LRRC2: variants seen among roughly 807,000 people sequenced by gnomAD.
LRRC2 encodes the protein leucine-rich repeat-containing protein 2.
Under a neutral mutation model 40.2 loss-of-function variants are expected in LRRC2, and 27 were observed. The ratio of observed to expected loss-of-function variants is 0.67; its 90% CI spans 0.49 to 0.93. LRRC2 has a LOEUF of 0.93. Among genes scored for constraint, LRRC2 ranks in the 40% least tolerant of loss-of-function variants. The probability of loss-of-function intolerance (pLI) is 0.00; values close to 1 mark genes in which losing one functional copy is unlikely to be tolerated. For synonymous variants in LRRC2, 147 were observed against 158.9 expected, an observed-to-expected ratio of 0.92 and a Z score of 0.56; for missense variants, 402 against 439.6, an observed-to-expected ratio of 0.91 and a Z score of 0.76.
intron 3 of LRRC2, among the ~76,000 whole-genome samples, chr3:46,542,039 C>T (rs1469095230): frequency 2.6e-5 from 4 of 151,992 alleles, no homozygotes; most frequent in South Asian, 2.1e-4. Context: ...AGGGGAGGCA[C>T]CAGTGAGATG....
intron 4 of LRRC2, 107 bp downstream of exon 4, chr3:46,538,938 G>T: frequency 8.0e-7 from 1 of 1,252,406 alleles, no homozygotes. Flanking sequence ...ACCACTTCCT[G>T]GGGAAGCTGG....
chr3:46,531,340 T>A, intron 5 of LRRC2, among the ~76,000 whole-genome samples: 1 of 151,824 alleles, frequency 6.6e-6, no homozygotes, highest in South Asian at 2.1e-4. Flanking sequence ...TAAATTTGAA[T>A]CTGTACACTT....
rs971683215 is a variant in LRRC2 at position 46,551,584 on chromosome 3, T to C, written c.8A>G (p.His3Arg). MG[H>R]KVVVFDISVI... ...AGAAATGTCGAAGACAACCACTTTA[T>C]GTCCCATTTTGGGAGCATGAAATTA... Residue 3 changes from histidine (H) to arginine (R), a missense_variant, in exon 2 of 9, where the codon CAT becomes CGT. Coordinates refer to ENST00000395905, the MANE Select transcript of LRRC2 (RefSeq NM_024512.5). 6.2e-7 allele frequency: 1 copy of C among 1,612,002 alleles called. No homozygotes were observed. The highest frequency in any genetic ancestry group is 8.5e-7 in the Non-Finnish European group (1 of 1,179,410).
At chr3:46,545,344 T>G in intron 2 of LRRC2, 91 bp from the exon 3 acceptor site, 1 of 1,086,576 alleles carries the variant, frequency 9.2e-7, no homozygotes, top group South Asian at 1.4e-5. Flanking sequence ...GCATAGGTGC[T>G]CTCCTTGTCA....
intron 4 of LRRC2, among the ~76,000 whole-genome samples, chr3:46,537,562 T>C (rs968525202): frequency 6.6e-6 from 1 of 152,134 alleles, no homozygotes; most frequent in East Asian, 1.9e-4. Context: ...AATGATTCAG[T>C]CAGTTAATGA....
intron 1 of LRRC2, among the ~76,000 whole-genome samples, chr3:46,554,655 A>AAAAAAG (rs1553614179): frequency 1.3e-5 from 2 of 150,782 alleles, no homozygotes; most frequent in East Asian, 1.9e-4. Context: ...AAAAAAAAAA[A>AAAAAAG]AAGAAGAAGA....
At chr3:46,549,506 C>T (rs1004154211) in intron 2 of LRRC2, among the ~76,000 whole-genome samples, 4 of 152,194 alleles carry the variant, frequency 2.6e-5, no homozygotes, top group African/African-American at 9.6e-5. Flanking sequence ...TGGCTGTTTT[C>T]CTTATCTTGG....
chr3:46,521,776 T>C, intron 7 of LRRC2, 118 bp from the exon 8 acceptor site: 1 of 935,900 alleles, frequency 1.1e-6, no homozygotes, highest in Non-Finnish European at 1.6e-6. Flanking sequence ...AAAGTCACAT[T>C]TGACCACATG....
chr3:46,539,463 C>A (rs535264762), intron 3 of LRRC2, among the ~76,000 whole-genome samples: 8 of 152,302 alleles, frequency 5.3e-5, no homozygotes, highest in Admixed American at 2.6e-4. Flanking sequence ...ACACAAAAAA[C>A]CAGACTCACA....
At chr3:46,563,209 C>A (rs1704984806) in intron 1 of LRRC2, among the ~76,000 whole-genome samples, 1 of 152,122 alleles carries the variant, frequency 6.6e-6, no homozygotes. Context: ...TGGGGAAAGG[C>A]CCCCTAATTG....
intron 1 of LRRC2, among the ~76,000 whole-genome samples, chr3:46,553,316 T>C (rs1434500977): frequency 6.6e-6 from 1 of 152,240 alleles, no homozygotes; most frequent in Non-Finnish European, 1.5e-5. Context: ...CAGCAAAGTC[T>C]TGCTAAATCC....
chr3:46,550,070 T>G (rs996048746), intron 2 of LRRC2, among the ~76,000 whole-genome samples: 2 of 152,244 alleles, frequency 1.3e-5, no homozygotes, highest in African/African-American at 4.8e-5. Context: ...CAATCCTTTA[T>G]GTCATATTGG....
rs59264692 is a variant in LRRC2, at chr3:46,522,376, AAAATAAAT to A, written c.930-726_930-719del. On this transcript the variant is annotated intron_variant, in intron 7 of 8. Coordinates refer to ENST00000395905, the MANE Select transcript of LRRC2 (RefSeq NM_024512.5). Reference sequence around the variant, plus strand: ...GGCAACAGAGCGAGACTCAATCTCAAAAATAAATAAATAAATAAATAAATAAATAAATA... The same window carrying A: ...GGCAACAGAGCGAGACTCAATCTCAAAAATAAATAAATAAATAAATAAATA... Among the ~76,000 whole-genome samples, 299 of 136,018 alleles carry A rather than the reference AAAATAAAT, an allele frequency of 2.2e-3. 1 individual carries two copies. The highest frequency in any genetic ancestry group is 0.017 in the East Asian group (80 of 4,626). 89.2% of individuals were successfully genotyped at this position (136,018 alleles called of 152,430 possible).
intron 5 of LRRC2, among the ~76,000 whole-genome samples, chr3:46,530,582 T>C (rs1704141808): frequency 6.6e-6 from 1 of 152,100 alleles, no homozygotes; most frequent in Non-Finnish European, 1.5e-5. Flanking sequence ...GGGTAATTTA[T>C]AAAGAAAAGA....
At position 46,517,286 on chromosome 3, in the gene LRRC2, T is replaced by TG. The variant is rs958469692; in HGVS notation, c.*1727_*1728insC. On this transcript the variant is annotated 3_prime_UTR_variant, in exon 9 of 9. Transcript: ENST00000395905. ...AGTCACAAAAGCTGCTTGTTTTTGTTTTTTTTTTTTTAGTTATAACAATAA... is the reference window on the plus strand; with the variant it reads ...AGTCACAAAAGCTGCTTGTTTTTGTTGTTTTTTTTTTTAGTTATAACAATAA... The TG allele has an allele frequency of 4.7e-5, 7 of 149,932 alleles. No homozygotes were observed. The highest frequency in any genetic ancestry group is 8.9e-5 in the Non-Finnish European group (6 of 67,404). The allele number at this position is 149,932 out of a possible 1,614,324, so 9.3% of individuals were successfully genotyped here.
intron 4 of LRRC2, among the ~76,000 whole-genome samples, chr3:46,534,586 G>A (rs1704238359): frequency 6.6e-6 from 1 of 151,944 alleles, no homozygotes. Flanking sequence ...TCTAACCATT[G>A]TAAACTGGGG....
In LRRC2 at chr3:46,540,772, C is replaced by T. The variant is rs138920692; in HGVS notation, c.334-1571G>A. Among the ~76,000 whole-genome samples the T allele has an allele frequency of 6.4e-3, 981 of 152,274 alleles. 12 individuals are homozygous for T. Among genetic ancestry groups the T allele is most frequent in the African/African-American group, 0.022 (913 of 41,560 alleles). On this transcript the variant is annotated intron_variant, in intron 3 of 8. Transcript: ENST00000395905. ...AAGCCAACTACCTAGTTACCACCTG[C>T]CCCCTTCTCGTGGCCCTGGCAAACT...
intron 4 of LRRC2, among the ~76,000 whole-genome samples, chr3:46,533,719 TTCCTTCC>T (rs1704201176): frequency 6.9e-6 from 1 of 144,754 alleles, no homozygotes; most frequent in Admixed American, 6.8e-5. Context: ...CCTTCCTTCC[TTCCTTCC>T]TTCCTTCCTT....
intron 1 of LRRC2, among the ~76,000 whole-genome samples, chr3:46,561,598 G>A (rs1704944611): frequency 6.6e-6 from 1 of 152,100 alleles, no homozygotes; most frequent in Non-Finnish European, 1.5e-5. Context: ...GCCTGCTGCA[G>A]TCCATTTCTT....
Sources: gnomAD v4.1 joint callset for allele counts (sites outside exome capture counted in the v4.1 genomes callset) on GRCh38, gnomAD v4.1.1 for gene constraint, MANE v1.5 for transcripts, NCBI Gene and HGNC (gene_info 2026-07-23, HGNC 2026-07-21) for gene names.